CEP112: variants seen among roughly 807,000 people sequenced by gnomAD.
CEP112 encodes centrosomal protein of 112 kDa.
Under a neutral mutation model 153.0 loss-of-function variants are expected in CEP112, and 127 were observed. The ratio of observed to expected loss-of-function variants is 0.83; its 90% CI spans 0.72 to 0.96. The LOEUF (loss-of-function observed/expected upper bound fraction) is 0.96. Ranked by LOEUF, CEP112 falls within the 40% of genes least tolerant of loss-of-function variation. The pLI is 0.00. For synonymous variants in CEP112, 358 were observed against 374.4 expected, an observed-to-expected ratio of 0.96 and a Z score of 0.51; for missense variants, 1,089 against 1,101.2, an observed-to-expected ratio of 0.99 and a Z score of 0.16.
chr17:65,960,612 T>A (rs905566037), intron 18 of CEP112, among the ~76,000 whole-genome samples: 3 of 152,240 alleles, frequency 2.0e-5, no homozygotes, highest in Admixed American at 1.3e-4. Flanking sequence ...AGATTACTTC[T>A]AATACCTAAT....
At position 66,191,862 on chromosome 17, in the gene CEP112, A is replaced by C. The variant is rs1413024664; in HGVS notation, c.-9+135T>G. On this transcript the variant is annotated intron_variant, in intron 1 of 26. Transcript: ENST00000535342. The surrounding 1 kb of genome is among the most constrained non-coding windows in gnomAD (Gnocchi z 4.2). ...GGCGCGCGCCCCCCAGGCCCGGAGAACGGGCCCAGGGCCTGAGGGCGACGC... is the reference window on the plus strand; with the variant it reads ...GGCGCGCGCCCCCCAGGCCCGGAGACCGGGCCCAGGGCCTGAGGGCGACGC... The C allele has an allele frequency of 6.6e-6, 1 of 151,942 alleles. No individual in the cohort carries two copies. The highest frequency in any genetic ancestry group is 1.5e-5 in the Non-Finnish European group (1 of 67,940). 9.4% of individuals were successfully genotyped at this position (151,942 alleles called of 1,614,324 possible).
intron 18 of CEP112, among the ~76,000 whole-genome samples, chr17:65,957,237 G>A (rs118011793): frequency 0.023 from 3,544 of 152,092 alleles, 72 homozygotes; most frequent in Non-Finnish European, 0.029. Flanking sequence ...AAAAGTAAAC[G>A]TAAAAAAATA....
chr17:65,937,550 C>A (rs1321618057), intron 18 of CEP112, among the ~76,000 whole-genome samples: 3 of 115,380 alleles, frequency 2.6e-5, no homozygotes, highest in African/African-American at 3.1e-5. Context: ...GCCAGCCGCC[C>A]CGTCCGGGAG....
chr17:66,076,040 A>G lies in CEP112; in HGVS notation c.769-6039T>C, dbSNP rs569297879. On this transcript the variant is annotated intron_variant, in intron 8 of 26. Transcript: ENST00000535342. ...GAAATACAGGGGTAGAGGAAGTAGT[A>G]GGAAAGGCCCTGGGAGCTCGCTGGG... is the stretch of plus-strand genomic sequence containing the variant. 6.2e-3 allele frequency among the ~76,000 whole-genome samples: 939 copies of G among 152,316 alleles called. 8 individuals carry two copies. The highest frequency in any genetic ancestry group is 0.022 in the African/African-American group (900 of 41,568).
chr17:66,042,573 A>G (rs1400268938), intron 12 of CEP112, among the ~76,000 whole-genome samples: 1 of 152,148 alleles, frequency 6.6e-6, no homozygotes, highest in Admixed American at 6.6e-5. Flanking sequence ...CTGAGAAATT[A>G]TCACAACCAA....
intron 4 of CEP112, among the ~76,000 whole-genome samples, chr17:66,174,422 G>A (rs540999954): frequency 2.0e-5 from 3 of 152,236 alleles, no homozygotes; most frequent in Non-Finnish European, 4.4e-5. Context: ...CCAAGAGAAT[G>A]GTGAGGAAGG....
chr17:66,189,843 C>T (rs1468689411), intron 1 of CEP112, among the ~76,000 whole-genome samples: 1 of 152,006 alleles, frequency 6.6e-6, no homozygotes. Flanking sequence ...CCAGCCTGGG[C>T]AACATAGTGA....
intron 4 of CEP112, among the ~76,000 whole-genome samples, chr17:66,164,708 T>C (rs936930241): frequency 6.6e-6 from 1 of 151,186 alleles, no homozygotes; most frequent in Non-Finnish European, 1.5e-5. Flanking sequence ...ATACAAAAAT[T>C]AGTTGGGCGT....
chr17:65,975,528 G>A (rs964388928), intron 17 of CEP112, among the ~76,000 whole-genome samples: 1 of 151,984 alleles, frequency 6.6e-6, no homozygotes, highest in African/African-American at 2.4e-5. Context: ...TGCTGAAAGG[G>A]GCTAAAAGCA....
intron 20 of CEP112, among the ~76,000 whole-genome samples, chr17:65,881,076 A>G (rs751077681): frequency 3.9e-5 from 6 of 152,098 alleles, no homozygotes; most frequent in Admixed American, 1.3e-4. Context: ...TTAGCCAGGC[A>G]TGCTGGCATG....
intron 4 of CEP112, among the ~76,000 whole-genome samples, chr17:66,154,776 A>G (rs1453589046): frequency 6.6e-6 from 1 of 152,148 alleles, no homozygotes; most frequent in Admixed American, 6.5e-5. Flanking sequence ...TGACAAAACT[A>G]TATTAAAATT....
chr17:65,659,827 G>C (rs1490829227), intron 24 of CEP112, among the ~76,000 whole-genome samples: 4 of 152,224 alleles, frequency 2.6e-5, no homozygotes, highest in Admixed American at 1.3e-4. Flanking sequence ...GAAGGGAACA[G>C]GAGACATCAG....
At chr17:65,782,794 A>G (rs963740407) in intron 21 of CEP112, among the ~76,000 whole-genome samples, 2 of 152,110 alleles carry the variant, frequency 1.3e-5, no homozygotes, top group Non-Finnish European at 2.9e-5. Flanking sequence ...GATGGCAACA[A>G]TAGACACTGG....
intron 23 of CEP112, among the ~76,000 whole-genome samples, chr17:65,691,171 G>A (rs1352696762): frequency 6.6e-6 from 1 of 152,100 alleles, no homozygotes; most frequent in Non-Finnish European, 1.5e-5. Flanking sequence ...GGTGTTGGGG[G>A]AGAGGAGCCG....
rs893745970 is a variant in CEP112, at chr17:66,148,115, C to T, written c.471-15352G>A. 3.9e-5 allele frequency among the ~76,000 whole-genome samples: 6 copies of T among 152,264 alleles called. No homozygotes were observed. The East Asian group carries it at 1.2e-3, about 29-fold the overall frequency. On this transcript the variant is annotated intron_variant, in intron 4 of 26. Transcript: ENST00000535342. ...TCACAGGTCCACATGGCTGGGGAGGCCGCACAATCATGGCAGAAGGCAAAA... is the reference window on the plus strand; with the variant it reads ...TCACAGGTCCACATGGCTGGGGAGGTCGCACAATCATGGCAGAAGGCAAAA...
At chr17:65,909,505 T>C (rs1945451272) in intron 19 of CEP112, among the ~76,000 whole-genome samples, 2 of 152,216 alleles carry the variant, frequency 1.3e-5, no homozygotes, top group South Asian at 4.1e-4. Flanking sequence ...TCTAAAAACC[T>C]TCCCTATAAA....
intron 21 of CEP112, among the ~76,000 whole-genome samples, chr17:65,761,966 C>A (rs1416885274): frequency 1.3e-5 from 2 of 152,104 alleles, no homozygotes; most frequent in Non-Finnish European, 2.9e-5. Flanking sequence ...CCTGCTGGAT[C>A]TGTCCATTTA....
At chr17:66,037,192 A>G (rs1226958407) in intron 12 of CEP112, among the ~76,000 whole-genome samples, 2 of 152,226 alleles carry the variant, frequency 1.3e-5, no homozygotes, top group Non-Finnish European at 2.9e-5. Context: ...TCATTATCCA[A>G]TGATTTCTTA....
intron 20 of CEP112, among the ~76,000 whole-genome samples, chr17:65,892,474 T>C (rs988265304): frequency 2.0e-5 from 3 of 152,178 alleles, no homozygotes; most frequent in Non-Finnish European, 4.4e-5. Context: ...TGTTCCTGAA[T>C]TGAATAATGT....
Sources: gnomAD v4.1 joint callset for allele counts (sites outside exome capture counted in the v4.1 genomes callset) on GRCh38, gnomAD v4.1.1 for gene constraint, Gnocchi (gnomAD v3.1) non-coding constraint, MANE v1.5 for transcripts, NCBI Gene and HGNC (gene_info 2026-07-23, HGNC 2026-07-21) for gene names.